Variants in MAP2K5 observed in about 807,000 individuals in gnomAD.
MAP2K5 encodes dual specificity mitogen-activated protein kinase kinase 5.
A neutral mutation model predicts 83.1 loss-of-function variants in MAP2K5; 49 were observed. The observed-to-expected ratio is 0.59, with a 90% confidence interval of 0.47 to 0.75. The LOEUF is 0.75. Ranked by LOEUF, MAP2K5 falls within the 30% of genes least tolerant of loss-of-function variation. The pLI is 0.00. For synonymous variants in MAP2K5, 202 were observed against 191.8 expected, an observed-to-expected ratio of 1.05 and a Z score of -0.44; for missense variants, 457 against 557.5, an observed-to-expected ratio of 0.82 and a Z score of 1.82.
intron 16 of MAP2K5, among the ~76,000 whole-genome samples, chr15:67,713,735 C>CAAA: frequency 8.1e-6 from 1 of 122,886 alleles, no homozygotes; most frequent in Admixed American, 8.3e-5. Context: ...GACTCCGTCT[C>CAAA]AAAAAAAAAA....
chr15:67,639,490 T>C (rs1174980931), intron 9 of MAP2K5, among the ~76,000 whole-genome samples: 1 of 152,202 alleles, frequency 6.6e-6, no homozygotes, highest in Non-Finnish European at 1.5e-5. Context: ...GTCCCACAAC[T>C]GATAAGTAGT....
At chr15:67,614,428 T>C (rs761604391) in intron 8 of MAP2K5, among the ~76,000 whole-genome samples, 1 of 152,210 alleles carries the variant, frequency 6.6e-6, no homozygotes, top group Non-Finnish European at 1.5e-5. Flanking sequence ...GATTAGATGG[T>C]TATCACGTTG....
rs968371450 is a variant in MAP2K5 at position 67,750,196 on chromosome 15, C to T, written c.1134+1595C>T. The stretch of plus-strand genomic sequence containing the variant: ...ATTGATGAAGAACAATAATGTGTAA[C>T]TTAAATGATATATTTTTCTTCATAG... On this transcript the variant is annotated intron_variant, in intron 19 of 21. Transcript: ENST00000178640. This position sits in a 1 kb window ranked among gnomAD's most constrained non-coding sequence, Gnocchi z 4.2. 2.0e-5 allele frequency among the ~76,000 whole-genome samples: 3 copies of T among 152,150 alleles called. No homozygotes were observed. Among genetic ancestry groups the T allele is most frequent in the Non-Finnish European group, 4.4e-5 (3 of 68,024 alleles).
At chr15:67,651,116 G>A (rs147225336) in intron 11 of MAP2K5, among the ~76,000 whole-genome samples, 1 of 152,190 alleles carries the variant, frequency 6.6e-6, no homozygotes, top group South Asian at 2.1e-4. Flanking sequence ...TACTTGAGAG[G>A]CTGAGGCAGG....
intron 19 of MAP2K5, among the ~76,000 whole-genome samples, chr15:67,761,531 G>A (rs2089949044): frequency 6.6e-6 from 1 of 152,216 alleles, no homozygotes; most frequent in Admixed American, 6.5e-5. Context: ...GTGGCAAATG[G>A]CAGTAATTAT....
chr15:67,564,091 C>G (rs1361647694), intron 3 of MAP2K5, among the ~76,000 whole-genome samples: 1 of 152,186 alleles, frequency 6.6e-6, no homozygotes, highest in Non-Finnish European at 1.5e-5. Flanking sequence ...AATCTGTTTA[C>G]AAAACCTTTT....
At chr15:67,544,610 TAGAC>T (rs1164607001) in intron 1 of MAP2K5, among the ~76,000 whole-genome samples, 1 of 152,188 alleles carries the variant, frequency 6.6e-6, no homozygotes, top group Non-Finnish European at 1.5e-5. Flanking sequence ...TCATTTGAGA[TAGAC>T]AGGGTGCCTT....
At chr15:67,551,542 A>C (rs191602238) in intron 2 of MAP2K5, among the ~76,000 whole-genome samples, 32 of 152,262 alleles carry the variant, frequency 2.1e-4, no homozygotes. Flanking sequence ...TATGTTGTCC[A>C]GGCTAGTCTT....
chr15:67,575,793 A>T (rs997130856), intron 3 of MAP2K5, among the ~76,000 whole-genome samples: 2 of 151,970 alleles, frequency 1.3e-5, no homozygotes, highest in South Asian at 4.2e-4. Context: ...ATAAATGTAG[A>T]TATGTAGTGC....
intron 8 of MAP2K5, among the ~76,000 whole-genome samples, chr15:67,622,467 T>A (rs1404982298): frequency 6.6e-6 from 1 of 151,904 alleles, no homozygotes; most frequent in Non-Finnish European, 1.5e-5. Context: ...ACCCATGAAA[T>A]GGAGATGAGT....
chr15:67,660,870 A>AG (rs1413552185), intron 12 of MAP2K5, among the ~76,000 whole-genome samples: 6 of 14,014 alleles, frequency 4.3e-4, no homozygotes, highest in Admixed American at 2.0e-3. Flanking sequence ...TAACAGAATG[A>AG]GAAAAAAAAA....
intron 21 of MAP2K5, among the ~76,000 whole-genome samples, chr15:67,791,964 A>G (rs1382549008): frequency 6.6e-6 from 1 of 152,244 alleles, no homozygotes; most frequent in Non-Finnish European, 1.5e-5. Context: ...CAAAGCATAT[A>G]AAAGTCAGGG....
At chr15:67,796,464 T>C (rs75529498) in intron 21 of MAP2K5, among the ~76,000 whole-genome samples, 13,608 of 152,076 alleles carry the variant, frequency 0.089, 733 homozygotes, top group Admixed American at 0.1. Context: ...ATGGCAAAAA[T>C]ATAGGCAAGA....
Position 67,620,753 on chromosome 15 carries a change from G to A in MAP2K5, c.546-10135G>A, listed in dbSNP as rs116802915. Among the ~76,000 whole-genome samples, 1,316 of 152,212 alleles carry A rather than the reference G, an allele frequency of 8.6e-3. 12 individuals carry two copies. Among genetic ancestry groups the A allele is most frequent in the African/African-American group, 0.026 (1,074 of 41,528 alleles). On this transcript the variant is annotated intron_variant, in intron 8 of 21. Transcript: ENST00000178640. Reference sequence around the variant, plus strand: ...AGATTTTTATATTGTTTAGGAGAAGGATATAGATAACAATTAACTTTATGT... The same window carrying A: ...AGATTTTTATATTGTTTAGGAGAAGAATATAGATAACAATTAACTTTATGT...
rs533364344 is a variant in MAP2K5 at position 67,723,461 on chromosome 15, C to A, written c.1045-4455C>A. On this transcript the variant is annotated intron_variant, in intron 16 of 21. Transcript: ENST00000178640. ...GTTTACTGCTATTTAAGTGTATCCC[C>A]AACTGGTAACACTTCAGACCATTCT... Among the ~76,000 whole-genome samples the A allele has an allele frequency of 2.0e-4, 31 of 152,262 alleles. 1 individual carries two copies. Among genetic ancestry groups the A allele is most frequent in the Admixed American group, 5.9e-4 (9 of 15,290 alleles).
rs80056478 is a variant in MAP2K5 at position 67,649,900 on chromosome 15, A to G, written c.736+3431A>G. Among the ~76,000 whole-genome samples the G allele has an allele frequency of 1.2e-3, 182 of 152,320 alleles. 2 individuals are homozygous for G. In the East Asian group the frequency reaches 0.034, roughly 28 times the overall value. On this transcript the variant is annotated intron_variant, in intron 11 of 21. Transcript: ENST00000178640. ...CCAAAAAAATCCAGCTGGGATTTTG[A>G]TAAGAATTGAATTGAATTTTTAGAT...
rs2090220248 is a variant in MAP2K5 at position 67,775,430 on chromosome 15, C to T, written c.1242+2678C>T. Among the ~76,000 whole-genome samples, 1 of 152,170 alleles carries T rather than the reference C, an allele frequency of 6.6e-6. No individual in the cohort carries two copies. The highest frequency in any genetic ancestry group is 1.5e-5 in the Non-Finnish European group (1 of 68,036). On this transcript the variant is annotated intron_variant, in intron 21 of 21. Transcript: ENST00000178640. The surrounding 1 kb of genome is among the most constrained non-coding windows in gnomAD (Gnocchi z 5.3). Reference sequence around the variant, plus strand: ...CTGCTGTGGTTTTCTGGCATGTAGCCATGAAGCTACATCAGAAGTGCTCTC... The same window carrying T: ...CTGCTGTGGTTTTCTGGCATGTAGCTATGAAGCTACATCAGAAGTGCTCTC...
intron 15 of MAP2K5, 80 bp from the exon 16 acceptor site, chr15:67,703,257 C>G: frequency 9.6e-7 from 1 of 1,039,004 alleles, no homozygotes; most frequent in Admixed American, 1.8e-5. Context: ...GGCTCCTCAC[C>G]TTAGCTGAGC....
chr15:67,568,652 T>A (rs896367889), intron 3 of MAP2K5, among the ~76,000 whole-genome samples: 1 of 152,110 alleles, frequency 6.6e-6, no homozygotes, highest in African/African-American at 2.4e-5. Context: ...TTTTCCTGAG[T>A]GTAAAAAATA....
Sources: allele counts gnomAD v4.1 joint callset (sites outside exome capture counted in the v4.1 genomes callset), GRCh38; gene constraint gnomAD v4.1.1; non-coding constraint Gnocchi (gnomAD v3.1); transcripts MANE v1.5; gene names NCBI Gene and HGNC (gene_info 2026-07-23, HGNC 2026-07-21).